The following GMDS variants were observed in gnomAD, a reference collection of about 807,000 sequenced individuals.
The protein encoded by GMDS is GDP-mannose 4,6 dehydratase.
In GMDS, 20 loss-of-function variants were observed where a neutral mutation model predicts 49.9. That is an observed-to-expected ratio of 0.40 (90% confidence interval 0.28 to 0.58). GMDS has a LOEUF of 0.58. GMDS is among the 20% of genes least tolerant of loss of function. The pLI is 0.42. For missense variants in GMDS, 362 were observed against 481.4 expected, an observed-to-expected ratio of 0.75 and a Z score of 2.32; for synonymous variants, 177 against 178.6, an observed-to-expected ratio of 0.99 and a Z score of 0.07.
chr6:2,006,356 A>T (rs536204894), intron 4 of GMDS, among the ~76,000 whole-genome samples: 38 of 151,980 alleles, frequency 2.5e-4, no homozygotes, highest in African/African-American at 8.2e-4. Flanking sequence ...TGAGCCTAGG[A>T]TATTGACGTT....
intron 7 of GMDS, among the ~76,000 whole-genome samples, chr6:1,873,390 GGAA>G (rs1172742575): frequency 6.6e-6 from 1 of 152,050 alleles, no homozygotes. Context: ...CCCCACCTTT[GGAA>G]GAAGAGTGCA....
At chr6:2,167,603 C>G (rs907600210) in intron 1 of GMDS, among the ~76,000 whole-genome samples, 1 of 152,162 alleles carries the variant, frequency 6.6e-6, no homozygotes, top group African/African-American at 2.4e-5. Flanking sequence ...TATGATTCCA[C>G]CTAATCTCTT....
rs1756780049 is a variant in GMDS at position 1,833,569 on chromosome 6, G to A, written c.772-90983C>T. On this transcript the variant is annotated intron_variant, in intron 7 of 10. Transcript: ENST00000380815. The surrounding 1 kb of genome is among the most constrained non-coding windows in gnomAD (Gnocchi z 4.4). ...CCTTCCTGAGGGAACATAACACAAG[G>A]TAATTAAATTGTAAATTACTTGAGA... 6.6e-6 allele frequency among the ~76,000 whole-genome samples: 1 copy of A among 151,758 alleles called. No individual in the cohort carries two copies. The highest frequency in any genetic ancestry group is 2.4e-5 in the African/African-American group (1 of 41,242).
At chr6:2,010,099 T>C (rs536051251) in intron 4 of GMDS, among the ~76,000 whole-genome samples, 4 of 151,434 alleles carry the variant, frequency 2.6e-5, no homozygotes, top group African/African-American at 9.7e-5. Context: ...GAGGCCGAGG[T>C]GGGTGGATCA....
intron 4 of GMDS, among the ~76,000 whole-genome samples, chr6:1,978,379 C>G (rs1445970352): frequency 1.3e-5 from 2 of 152,182 alleles, no homozygotes; most frequent in Admixed American, 1.3e-4. Context: ...AAAGGGCCAC[C>G]ACCTGGGTTG....
At position 1,914,563 on chromosome 6, in the gene GMDS, T is replaced by C. The variant is rs1261539667; in HGVS notation, c.771+15540A>G. The stretch of plus-strand genomic sequence containing the variant: ...GGCTTCTTGCACATCTGGTTTACTG[T>C]AGTTATTCACAGTCTCATGAAGTCC... On this transcript the variant is annotated intron_variant, in intron 7 of 10. Coordinates refer to ENST00000380815, the MANE Select transcript of GMDS (RefSeq NM_001500.4). Among the ~76,000 whole-genome samples the C allele has an allele frequency of 2.6e-5, 4 of 152,122 alleles. No homozygotes were observed. The East Asian group carries it at 7.7e-4, about 29-fold the overall frequency.
chr6:1,726,562 T>A (rs1354552063), intron 8 of GMDS, 50 bp from the exon 9 acceptor site: 2 of 1,388,440 alleles, frequency 1.4e-6, no homozygotes. Context: ...TGGGAACATT[T>A]GGCCATGCTG....
At chr6:1,691,370 G>C (rs953177801) in intron 9 of GMDS, among the ~76,000 whole-genome samples, 2 of 151,994 alleles carry the variant, frequency 1.3e-5, no homozygotes, top group Admixed American at 1.3e-4. Context: ...GGGTGTGGGG[G>C]AGGGAGAGCA....
At chr6:2,122,803 T>A (rs200649567) in intron 2 of GMDS, among the ~76,000 whole-genome samples, 1 of 152,240 alleles carries the variant, frequency 6.6e-6, no homozygotes, top group Non-Finnish European at 1.5e-5. Flanking sequence ...TTTGTGGCTG[T>A]GTACTTTCCC....
At chr6:1,908,171 G>A (rs188316171) in intron 7 of GMDS, among the ~76,000 whole-genome samples, 4 of 152,272 alleles carry the variant, frequency 2.6e-5, no homozygotes, top group African/African-American at 4.8e-5. Flanking sequence ...GGGATCCACC[G>A]GACAAAGGAA....
At chr6:1,959,572 T>C (rs188552401) in intron 6 of GMDS, 96 of 207,948 alleles carry the variant, frequency 4.6e-4, no homozygotes, top group Admixed American at 4.5e-3. Flanking sequence ...ATTCATATAG[T>C]AGCTTCCTAA....
At chr6:2,188,698 C>T (rs1053718515) in intron 1 of GMDS, among the ~76,000 whole-genome samples, 1 of 152,184 alleles carries the variant, frequency 6.6e-6, no homozygotes, top group Non-Finnish European at 1.5e-5. Flanking sequence ...AAGCCAATAA[C>T]TGACTGATTA....
intron 1 of GMDS, among the ~76,000 whole-genome samples, chr6:2,231,461 G>A (rs1394436184): frequency 2.0e-5 from 3 of 152,276 alleles, no homozygotes; most frequent in Middle Eastern, 3.4e-3. Flanking sequence ...GTACTCAGGG[G>A]GCTGAGGTGG....
chr6:1,751,938 A>G (rs1243035215), intron 7 of GMDS, among the ~76,000 whole-genome samples: 2 of 152,240 alleles, frequency 1.3e-5, no homozygotes, highest in Non-Finnish European at 2.9e-5. Context: ...AAACTAGTGC[A>G]AAAAGGCTGA....
intron 6 of GMDS, among the ~76,000 whole-genome samples, chr6:1,947,762 T>C (rs1336241009): frequency 6.6e-6 from 1 of 152,260 alleles, no homozygotes; most frequent in African/African-American, 2.4e-5. Context: ...AATTAGCCCA[T>C]AAACAACAGA....
chr6:1,958,095 T>C (rs1763740361), intron 6 of GMDS, among the ~76,000 whole-genome samples: 1 of 150,436 alleles, frequency 6.6e-6, no homozygotes, highest in South Asian at 2.1e-4. Flanking sequence ...TGTGGGGCAC[T>C]GTGCCTGGCC....
chr6:1,897,464 G>A (rs1388021024), intron 7 of GMDS, among the ~76,000 whole-genome samples: 1 of 152,174 alleles, frequency 6.6e-6, no homozygotes, highest in African/African-American at 2.4e-5. Flanking sequence ...TCCTGGAAAG[G>A]GAGCTTAATG....
rs1460167945 is a variant in GMDS, at chr6:2,245,540, G to A, written c.-118C>T. 3 of 502,608 alleles carry A rather than the reference G, an allele frequency of 6.0e-6. No individual in the cohort carries two copies. The highest frequency in any genetic ancestry group is 2.0e-5 in the African/African-American group (1 of 48,986). The allele number at this position is 502,608 out of a possible 1,614,324, so 31.1% of individuals were successfully genotyped here. A position where few individuals can be genotyped will look rare whatever the true frequency, so the allele number is the denominator to read the frequency against. ...CGCCTCTCCAGGCTGCGGGCAGGGA[G>A]GGAGAGCGCACCGCGCGACCGGCCG... On this transcript the variant is annotated 5_prime_UTR_variant, in exon 1 of 11. Coordinates refer to ENST00000380815, the MANE Select transcript of GMDS (RefSeq NM_001500.4).
intron 4 of GMDS, among the ~76,000 whole-genome samples, chr6:2,084,910 C>T (rs1021374236): frequency 4.6e-5 from 7 of 152,178 alleles, no homozygotes; most frequent in Non-Finnish European, 8.8e-5. Flanking sequence ...AACTTTCTGA[C>T]ACTATTAAAG....
Sources: allele counts gnomAD v4.1 joint callset (sites outside exome capture counted in the v4.1 genomes callset), GRCh38; gene constraint gnomAD v4.1.1; non-coding constraint Gnocchi (gnomAD v3.1); transcripts MANE v1.5; gene names NCBI Gene and HGNC (gene_info 2026-07-23, HGNC 2026-07-21).